LMNB1: variants seen among roughly 807,000 people sequenced by gnomAD.
LMNB1 encodes lamin-B1.
Under a neutral mutation model 67.1 loss-of-function variants are expected in LMNB1, and 23 were observed. The observed-to-expected ratio is 0.34, with a 90% CI of 0.25 to 0.49. The LOEUF is 0.49. Ranked by LOEUF, LMNB1 falls within the 20% of genes least tolerant of loss-of-function variation. The pLI, the probability that LMNB1 is intolerant of heterozygous loss-of-function variation, is 0.99. For missense variants in LMNB1, 634 were observed against 746.5 expected, an observed-to-expected ratio of 0.85 and a Z score of 1.76; for synonymous variants, 281 against 282.9, an observed-to-expected ratio of 0.99 and a Z score of 0.07.
chr5:126,814,641 T>G (rs1349054624), intron 5 of LMNB1, among the ~76,000 whole-genome samples: 1 of 151,934 alleles, frequency 6.6e-6, no homozygotes, highest in African/African-American at 2.4e-5. Flanking sequence ...CAGGTTCAAG[T>G]GATTCTCCTG....
rs140414024 is a variant in LMNB1 at position 126,809,338 on chromosome 5, G to A, written c.643-842G>A. 3.9e-3 allele frequency among the ~76,000 whole-genome samples: 599 copies of A among 152,176 alleles called. 9 individuals are homozygous for A. Among genetic ancestry groups the A allele is most frequent in the African/African-American group, 0.014 (574 of 41,506 alleles). On this transcript the variant is annotated intron_variant, in intron 3 of 10. Transcript: ENST00000261366. Reference sequence around the variant, plus strand: ...CACTTGATAATGATAGCTTAATACCGGCTTTTAAAGAAGTCATGTAAATTA... The same window carrying A: ...CACTTGATAATGATAGCTTAATACCAGCTTTTAAAGAAGTCATGTAAATTA...
At chr5:126,781,393 G>A (rs1383404400) in intron 1 of LMNB1, among the ~76,000 whole-genome samples, 1 of 152,176 alleles carries the variant, frequency 6.6e-6, no homozygotes, top group Non-Finnish European at 1.5e-5. Context: ...TTTGGGCTAG[G>A]TATAGAATAC....
At chr5:126,801,575 T>C (rs1751288576) in intron 1 of LMNB1, among the ~76,000 whole-genome samples, 1 of 152,232 alleles carries the variant, frequency 6.6e-6, no homozygotes, top group African/African-American at 2.4e-5. Flanking sequence ...TATCTTTCAC[T>C]TGGTAGTATG....
chr5:126,777,974 CA>C, intron 1 of LMNB1, 107 bp downstream of exon 1: 1 of 1,025,048 alleles, frequency 9.8e-7, no homozygotes, highest in Non-Finnish European at 1.3e-6. Context: ...GGCCAGGATG[CA>C]CGCGTCCTTC....
At chr5:126,820,017 C>T in intron 6 of LMNB1, among the ~76,000 whole-genome samples, 1 of 151,986 alleles carries the variant, frequency 6.6e-6, no homozygotes, top group East Asian at 1.9e-4. Flanking sequence ...TGGTGGCAGG[C>T]ACCTGTAATC....
At position 126,790,041 on chromosome 5, in the gene LMNB1, T is replaced by C. The variant is rs564603472; in HGVS notation, c.359+12174T>C. Among the ~76,000 whole-genome samples the C allele has an allele frequency of 1.8e-4, 27 of 152,264 alleles. 1 individual carries two copies. The highest frequency in any genetic ancestry group is 6.0e-4 in the African/African-American group (25 of 41,562). ...CTGGTCTTGAACTCCCGACCTCAGA[T>C]GATCCGCCCACCTCAGCCTTCCAAA... On this transcript the variant is annotated intron_variant, in intron 1 of 10. Coordinates refer to ENST00000261366, the MANE Select transcript of LMNB1 (RefSeq NM_005573.4).
At chr5:126,787,546 A>ATATATATTTTTTTTTTT in intron 1 of LMNB1, among the ~76,000 whole-genome samples, 34 of 65,560 alleles carry the variant, frequency 5.2e-4, no homozygotes, top group African/African-American at 1.6e-3. Flanking sequence ...ATATATATAT[A>ATATATATTTTTTTTTTT]TTTTTTTTTT....
chr5:126,788,130 C>T (rs910242714), intron 1 of LMNB1, among the ~76,000 whole-genome samples: 12 of 152,020 alleles, frequency 7.9e-5, no homozygotes, highest in African/African-American at 2.9e-4. Flanking sequence ...TGACTGCTTC[C>T]ATGCTTGGGT....
chr5:126,826,080 G>C lies in LMNB1; in HGVS notation c.1584G>C (p.Lys528Asn). The C allele has an allele frequency of 6.2e-7, 1 of 1,613,206 alleles. No individual in the cohort carries two copies. Among genetic ancestry groups the C allele is most frequent in the South Asian group, 1.1e-5 (1 of 91,062 alleles). ...QNSWGTGEDV[K>N]VILKNSQGEE... The stretch of plus-strand genomic sequence containing the variant: ...CGTGGGGCACTGGCGAAGATGTGAA[G>C]GTTATATTGAAAAATTCTCAGGGAG... The change falls in exon 9 of 11, where the codon AAG (lysine) becomes AAC (asparagine). Residue 528 changes from lysine to asparagine, a missense_variant. Lys to Asn is a moderately conservative substitution (Grantham distance 94). Coordinates refer to ENST00000261366, the MANE Select transcript of LMNB1 (RefSeq NM_005573.4).
intron 1 of LMNB1, among the ~76,000 whole-genome samples, chr5:126,791,514 G>A (rs1451070352): frequency 2.0e-5 from 3 of 151,906 alleles, no homozygotes; most frequent in Non-Finnish European, 2.9e-5. Flanking sequence ...CTGGAGTGCA[G>A]TGGCATGATC....
chr5:126,781,580 G>C (rs1458386267), intron 1 of LMNB1, among the ~76,000 whole-genome samples: 1 of 151,914 alleles, frequency 6.6e-6, no homozygotes, highest in Non-Finnish European at 1.5e-5. Flanking sequence ...GGGATTACAG[G>C]TGTGCACCAC....
chr5:126,813,773 C>T (rs1751636028), intron 5 of LMNB1, among the ~76,000 whole-genome samples: 1 of 152,224 alleles, frequency 6.6e-6, no homozygotes, highest in Non-Finnish European at 1.5e-5. Context: ...GCTTTCCTCT[C>T]ATGATCTAAT....
intron 1 of LMNB1, among the ~76,000 whole-genome samples, chr5:126,789,809 G>A (rs1029543772): frequency 2.0e-5 from 3 of 152,014 alleles, no homozygotes; most frequent in African/African-American, 7.2e-5. Context: ...GAGTAGCTGG[G>A]ACTACAGGCA....
chr5:126,778,184 G>C (rs1240678641), intron 1 of LMNB1, among the ~76,000 whole-genome samples: 1 of 152,144 alleles, frequency 6.6e-6, no homozygotes, highest in Non-Finnish European at 1.5e-5. Flanking sequence ...TCGAATCCGG[G>C]GAGCCGGCGC....
intron 9 of LMNB1, among the ~76,000 whole-genome samples, chr5:126,827,947 A>C (rs1752036891): frequency 1.3e-5 from 2 of 152,154 alleles, no homozygotes; most frequent in Admixed American, 1.3e-4. Flanking sequence ...CACTCACTAG[A>C]GGAAGCACAC....
chr5:126,807,832 A>T (rs1328782971), intron 3 of LMNB1, among the ~76,000 whole-genome samples: 1 of 129,204 alleles, frequency 7.7e-6, no homozygotes, highest in Non-Finnish European at 1.7e-5. Flanking sequence ...TTGAGAATGG[A>T]TGTTAAGATA....
At chr5:126,829,834 C>T (rs1290156965) in intron 9 of LMNB1, among the ~76,000 whole-genome samples, 1 of 152,030 alleles carries the variant, frequency 6.6e-6, no homozygotes, top group Non-Finnish European at 1.5e-5. Context: ...CTCCTTGTGA[C>T]ACACGTGTGC....
chr5:126,812,718 CTTTTTTTT>C (rs11430160), intron 5 of LMNB1, among the ~76,000 whole-genome samples: 39,973 of 117,772 alleles, frequency 0.34, 3,664 homozygotes, highest in Middle Eastern at 0.4. Context: ...CTTTATTTTA[CTTTTTTTT>C]TTTTTTTTTT....
At chr5:126,782,633 T>C (rs1440729972) in intron 1 of LMNB1, among the ~76,000 whole-genome samples, 1 of 152,106 alleles carries the variant, frequency 6.6e-6, no homozygotes, top group Non-Finnish European at 1.5e-5. Context: ...CACTGCAACC[T>C]CTGCCTCCTG....
Sources: gnomAD v4.1 joint callset for allele counts (sites outside exome capture counted in the v4.1 genomes callset) on GRCh38, gnomAD v4.1.1 for gene constraint, MANE v1.5 for transcripts, NCBI Gene and HGNC (gene_info 2026-07-23, HGNC 2026-07-21) for gene names.